NOL6: variants seen among roughly 807,000 people sequenced by gnomAD.
The protein encoded by NOL6 is nucleolar protein 6.
In NOL6, 33 loss-of-function variants were observed where a neutral mutation model predicts 131.7. The ratio of observed to expected loss-of-function variants is 0.25; its 90% CI spans 0.19 to 0.33. The LOEUF is 0.33. NOL6 is among the 10% of genes least tolerant of loss of function. The pLI, the probability that NOL6 is intolerant of heterozygous loss-of-function variation, is 1.00. For missense variants in NOL6, 1,297 were observed against 1,494.5 expected (o/e 0.87, Z 2.18); for synonymous variants, 580 against 605.7 (o/e 0.96, Z 0.62).
chr9:33,467,541 T>A lies in NOL6; in HGVS notation c.1603-25A>T. 1 of 1,613,286 alleles carries A rather than the reference T, an allele frequency of 6.2e-7. No individual in the cohort carries two copies. Among genetic ancestry groups the A allele is most frequent in the South Asian group, 1.1e-5 (1 of 91,032 alleles). On this transcript the variant is annotated intron_variant, in intron 12 of 25. Coordinates refer to ENST00000297990, the MANE Select transcript of NOL6 (RefSeq NM_022917.5). This position sits in a 1 kb window ranked among gnomAD's most constrained non-coding sequence, Gnocchi z 4.4. ...ACTGCAGGATTTCAAAAGGCTGAGCTCAGTCCTCCAATCCTCCAGCCTGGC... is the reference window on the plus strand; with the variant it reads ...ACTGCAGGATTTCAAAAGGCTGAGCACAGTCCTCCAATCCTCCAGCCTGGC...
At chr9:33,464,005 CCA>C in intron 22 of NOL6, 30 bp downstream of exon 22, 2 of 1,612,686 alleles carry the variant, frequency 1.2e-6, no homozygotes, top group South Asian at 1.1e-5. Flanking sequence ...GGGAAGAAAA[CCA>C]CACATTAGGG....
chr9:33,468,643 T>C, intron 8 of NOL6, 77 bp from the exon 9 acceptor site: 1 of 1,607,718 alleles, frequency 6.2e-7, no homozygotes, highest in Non-Finnish European at 8.5e-7. Context: ...CCTCAGCCGA[T>C]TCAGTTTGCT....
Position 33,462,556 on chromosome 9 carries a change from C to A in NOL6, c.*108G>T. ...GATTCAGCATGTTCAGCCAGCAGGC[C>A]CTCCATGGAGGATTCATGTCCAAGG... On this transcript the variant is annotated 3_prime_UTR_variant, in exon 26 of 26. Coordinates refer to ENST00000297990, the MANE Select transcript of NOL6 (RefSeq NM_022917.5). The A allele has an allele frequency of 7.8e-7, 1 of 1,289,300 alleles. No homozygotes were observed. Among genetic ancestry groups the A allele is most frequent in the South Asian group, 1.4e-5 (1 of 71,404 alleles). The allele number at this position is 1,289,300 out of a possible 1,614,324, so 79.9% of individuals were successfully genotyped here.
Position 33,465,806 on chromosome 9 carries a change from C to T in NOL6, c.2456G>A (p.Arg819Lys), listed in dbSNP as rs1827223152. Residue 819 changes from arginine (R) to lysine (K), a missense_variant, in exon 19 of 26, where the codon AGG becomes AAG. Physicochemically the swap from Arg to Lys is conservative, Grantham distance 26. Coordinates refer to ENST00000297990, the MANE Select transcript of NOL6 (RefSeq NM_022917.5). Reference protein sequence around the residue: ...VQSPEGMISLRDTAASLRLER... With the variant: ...VQSPEGMISLKDTAASLRLER... ...AAGGCGGAGGGAGGCAGCTGTGTCC[C>T]TCAGCGAGATCATCCCCTCTGGGCT... is the stretch of plus-strand genomic sequence containing the variant. 1 of 1,614,070 alleles carries T rather than the reference C, an allele frequency of 6.2e-7. No homozygotes were observed. Among genetic ancestry groups the T allele is most frequent in the Non-Finnish European group, 8.5e-7 (1 of 1,179,982 alleles).
intron 21 of NOL6, among the ~76,000 whole-genome samples, chr9:33,464,433 C>G (rs1827186444): frequency 6.6e-6 from 1 of 152,152 alleles, no homozygotes; most frequent in Non-Finnish European, 1.5e-5. Flanking sequence ...AGTCTTGCCC[C>G]TGGCCCCCTC....
chr9:33,462,938 G>A (rs905514498), intron 25 of NOL6, 95 bp downstream of exon 25: 41 of 1,535,720 alleles, frequency 2.7e-5, no homozygotes, highest in Non-Finnish European at 3.6e-5. Flanking sequence ...CACCTGACAC[G>A]GGTTTGCCCA....
chr9:33,461,354 C>T lies in NOL6; in HGVS notation c.*1310G>A, dbSNP rs1011598783. ...GGTGCTAGGAAGGACACGAAGAAGTCTATGTTCAAACATGTTCTTGCCCTC... is the reference window on the plus strand; with the variant it reads ...GGTGCTAGGAAGGACACGAAGAAGTTTATGTTCAAACATGTTCTTGCCCTC... On this transcript the variant is annotated 3_prime_UTR_variant, in exon 26 of 26. Coordinates refer to ENST00000297990, the MANE Select transcript of NOL6 (RefSeq NM_022917.5). 4 of 152,230 alleles carry T rather than the reference C, an allele frequency of 2.6e-5. No homozygotes were observed. Among genetic ancestry groups the T allele is most frequent in the Non-Finnish European group, 5.9e-5 (4 of 68,068 alleles). The allele number at this position is 152,230 out of a possible 1,614,324, so 9.4% of individuals were successfully genotyped here.
Position 33,467,185 on chromosome 9 carries a change from C to T in NOL6, c.1803G>A (p.Val601=). ...RFQDGAIREA[V]VWEAASMSQK... is the part of the protein sequence containing the mutation. ...GGGACATAGAGGCTGCCTCCCAGACCACAGCTTCCCGAATGGCTCCGTCCT... is the reference window on the plus strand; with the variant it reads ...GGGACATAGAGGCTGCCTCCCAGACTACAGCTTCCCGAATGGCTCCGTCCT... Residue 601 remains valine (V), a synonymous_variant, in exon 14 of 26, where the codon GTG becomes GTA. Transcript: ENST00000297990. This position sits in a 1 kb window ranked among gnomAD's most constrained non-coding sequence, Gnocchi z 4.4. 1.9e-6 allele frequency: 3 copies of T among 1,614,178 alleles called. No homozygotes were observed. Among genetic ancestry groups the T allele is most frequent in the South Asian group, 1.1e-5 (1 of 91,090 alleles).
At position 33,461,518 on chromosome 9, in the gene NOL6, C is replaced by T. The variant is rs1309818303; in HGVS notation, c.*1146G>A. The T allele has an allele frequency of 6.6e-6, 1 of 152,214 alleles. No individual in the cohort carries two copies. Among genetic ancestry groups the T allele is most frequent in the African/African-American group, 2.4e-5 (1 of 41,442 alleles). The allele number at this position is 152,214 out of a possible 1,614,324, so 9.4% of individuals were successfully genotyped here. ...CTGTTGCCCAGATTGGTCTAGAACT[C>T]CTGAGCTCAAGTGATTCTCCTGACT... On this transcript the variant is annotated 3_prime_UTR_variant, in exon 26 of 26. Coordinates refer to ENST00000297990, the MANE Select transcript of NOL6 (RefSeq NM_022917.5).
intron 1 of NOL6, 51 bp downstream of exon 1, chr9:33,473,738 G>A (rs1191642086): frequency 6.2e-7 from 1 of 1,600,962 alleles, no homozygotes; most frequent in Non-Finnish European, 8.5e-7. Flanking sequence ...GGGCCCTGCA[G>A]CCAAGGGAGC....
In NOL6 at chr9:33,469,613, G is replaced by A. The variant is rs1315078144; in HGVS notation, c.613C>T (p.Leu205Phe). The change falls in exon 5 of 26, where the codon CTC (leucine) becomes TTC (phenylalanine). Residue 205 changes from leucine (L) to phenylalanine (F), a missense_variant. Physicochemically the swap from Leu to Phe is conservative, Grantham distance 22. Transcript: ENST00000297990. The stretch of plus-strand genomic sequence containing the variant: ...TGGTGAGCCAAGTGGGCCAGGTAGA[G>A]GGCACGCTTGCGGAAGTAGCGCTGG... ...LNQRYFRKRA[L>F]YLAHLAHHLA... 2 of 1,612,746 alleles carry A rather than the reference G, an allele frequency of 1.2e-6. No individual in the cohort carries two copies. The highest frequency in any genetic ancestry group is 1.3e-5 in the African/African-American group (1 of 74,840).
chr9:33,463,817 G>C lies in NOL6; in HGVS notation c.2994+14C>G. On this transcript the variant is annotated intron_variant, in intron 23 of 25. Transcript: ENST00000297990. The stretch of plus-strand genomic sequence containing the variant: ...CCCCAGAGGCCCTGGAGTCACTGCT[G>C]GTCAGAAGCTTACCCTGATGTCCCC... The C allele has an allele frequency of 6.2e-7, 1 of 1,613,334 alleles. No individual in the cohort carries two copies. The highest frequency in any genetic ancestry group is 8.5e-7 in the Non-Finnish European group (1 of 1,179,474).
At chr9:33,471,977 T>G (rs1361304490) in intron 3 of NOL6, 27 bp downstream of exon 3, 1 of 1,542,388 alleles carries the variant, frequency 6.5e-7, no homozygotes, top group Admixed American at 1.7e-5. Context: ...CTCTTGGGCT[T>G]CCCAGTTCCC....
chr9:33,462,294 A>T lies in NOL6; in HGVS notation c.*370T>A. On this transcript the variant is annotated 3_prime_UTR_variant, in exon 26 of 26. Transcript: ENST00000297990. The stretch of plus-strand genomic sequence containing the variant: ...GCAGGAAGGAGACAGAGCCTCTCCC[A>T]GGCACACATCCCCTTCTCTGTTTCT... 2 of 710,200 alleles carry T rather than the reference A, an allele frequency of 2.8e-6. No individual in the cohort carries two copies. The highest frequency in any genetic ancestry group is 5.2e-6 in the Non-Finnish European group (2 of 382,184). The allele number at this position is 710,200 out of a possible 1,614,324, so 44.0% of individuals were successfully genotyped here.
At chr9:33,464,605 T>C (rs1205325391) in intron 21 of NOL6, among the ~76,000 whole-genome samples, 1 of 152,096 alleles carries the variant, frequency 6.6e-6, no homozygotes, top group Non-Finnish European at 1.5e-5. Context: ...TAATACTTCT[T>C]ACGTGGTATT....
rs1827430511 is a variant in NOL6, at chr9:33,472,207, T to C, written c.260A>G (p.Gln87Arg). ...AAAGCTGCAGACACTCAACAGTACC[T>C]GTAAACGAAGCAAGCTGGAGTGGAA... ...ILFHSSLLRL[Q>R]VEELLKEVRL... The change falls in exon 2 of 26, where the codon CAG becomes CGG. Residue 87 changes from glutamine to arginine, a missense_variant and splice_region_variant. Coordinates refer to ENST00000297990, the MANE Select transcript of NOL6 (RefSeq NM_022917.5). 1 of 1,614,220 alleles carries C rather than the reference T, an allele frequency of 6.2e-7. No homozygotes were observed. The highest frequency in any genetic ancestry group is 1.1e-5 in the South Asian group (1 of 91,092).
intron 24 of NOL6, 40 bp from the exon 25 acceptor site, chr9:33,463,174 T>C: frequency 1.2e-6 from 2 of 1,609,240 alleles, no homozygotes; most frequent in South Asian, 1.1e-5. Flanking sequence ...AGGCAGGCAT[T>C]TAAGAGCTCC....
In NOL6 at chr9:33,466,619, G is replaced by A. The variant is rs768363745; in HGVS notation, c.2041C>T (p.Leu681=). 1 of 1,614,116 alleles carries A rather than the reference G, an allele frequency of 6.2e-7. No homozygotes were observed. Among genetic ancestry groups the A allele is most frequent in the Non-Finnish European group, 8.5e-7 (1 of 1,180,038 alleles). Reference sequence around the variant, plus strand: ...GCTCCCTGAACAGCAGACACGGTCAGTGGGAGACCCTCTAGCCCCCACAGT... The same window carrying A: ...GCTCCCTGAACAGCAGACACGGTCAATGGGAGACCCTCTAGCCCCCACAGT... The part of the protein sequence containing the change: ...RLLWGLEGLP[L]TVSAVQGAHP... The change falls in exon 16 of 26, where the codon CTG becomes TTG. Residue 681 remains leucine, a synonymous_variant. Transcript: ENST00000297990.
intron 16 of NOL6, 55 bp downstream of exon 16, chr9:33,466,514 T>C: frequency 3.7e-6 from 6 of 1,612,396 alleles, no homozygotes; most frequent in Non-Finnish European, 5.1e-6. Flanking sequence ...ACTGGGTGAC[T>C]GGAGCAGAGG....
Sources: allele counts gnomAD v4.1 joint callset (sites outside exome capture counted in the v4.1 genomes callset), GRCh38; gene constraint gnomAD v4.1.1; non-coding constraint Gnocchi (gnomAD v3.1); transcripts MANE v1.5; gene names NCBI Gene and HGNC (gene_info 2026-07-23, HGNC 2026-07-21).